ERC1: variants seen among roughly 807,000 people sequenced by gnomAD.
The protein encoded by ERC1 is RAB6 interacting protein 2.
In ERC1, 56 loss-of-function variants were observed where a neutral mutation model predicts 132.0. That is an observed-to-expected ratio of 0.42 (90% CI 0.34 to 0.53). ERC1 has a LOEUF of 0.53. Among genes scored for constraint, ERC1 ranks in the 20% least tolerant of loss-of-function variants. The pLI is 0.03. For missense variants in ERC1, 1,202 were observed against 1,349.9 expected, an observed-to-expected ratio of 0.89 and a Z score of 1.72; for synonymous variants, 478 against 476.1, an observed-to-expected ratio of 1.00 and a Z score of -0.05.
chr12:1,202,108 T>G (rs1470757817), intron 12 of ERC1, among the ~76,000 whole-genome samples: 1 of 152,224 alleles, frequency 6.6e-6, no homozygotes, highest in Non-Finnish European at 1.5e-5. Flanking sequence ...GGAAGCTGCT[T>G]GTTTCTTTCT....
intron 16 of ERC1, among the ~76,000 whole-genome samples, chr12:1,373,533 G>A (rs1294544406): frequency 1.3e-5 from 2 of 152,218 alleles, no homozygotes; most frequent in Non-Finnish European, 2.9e-5. Context: ...TGTAATCCCA[G>A]CACTTTGGGA....
At chr12:1,229,271 G>A (rs1178499859) in intron 12 of ERC1, among the ~76,000 whole-genome samples, 1 of 152,202 alleles carries the variant, frequency 6.6e-6, no homozygotes. Flanking sequence ...GGAGGCCAAG[G>A]TGGGAGGATC....
intron 17 of ERC1, among the ~76,000 whole-genome samples, chr12:1,439,896 A>G (rs1321998671): frequency 6.6e-6 from 1 of 152,222 alleles, no homozygotes; most frequent in African/African-American, 2.4e-5. Context: ...CAAATTAGAT[A>G]GGGAGAAAAG....
intron 16 of ERC1, among the ~76,000 whole-genome samples, chr12:1,383,058 A>C (rs918589437): frequency 6.6e-6 from 1 of 151,864 alleles, no homozygotes; most frequent in African/African-American, 2.4e-5. Context: ...ATTTGATAAG[A>C]CTCTTCCCTT....
chr12:1,311,898 C>A (rs932877598), intron 15 of ERC1, among the ~76,000 whole-genome samples: 8 of 152,160 alleles, frequency 5.3e-5, no homozygotes, highest in Non-Finnish European at 1.2e-4. Context: ...AGTATAAAAA[C>A]TTTCCCATTG....
intron 12 of ERC1, chr12:1,204,380 C>T: frequency 1.3e-6 from 1 of 746,722 alleles, no homozygotes; most frequent in South Asian, 2.0e-5. Flanking sequence ...TTTGTGACTC[C>T]TTCCCTTCTC....
Position 1,440,199 on chromosome 12 carries a change from C to CT in ERC1, c.3025-4344dup, listed in dbSNP as rs756177628. On this transcript the variant is annotated intron_variant, in intron 17 of 18. Coordinates refer to ENST00000360905, the MANE Select transcript of ERC1 (RefSeq NM_178040.4). ...TCTTTTTTAAGTTTTCTTTCTTTCT[C>CT]TTTTTTTTTTTTTTTTTTTCCTTGA... Among the ~76,000 whole-genome samples, 576 of 128,796 alleles carry CT rather than the reference C, an allele frequency of 4.5e-3. 4 individuals carry two copies. Among genetic ancestry groups the CT allele is most frequent in the Middle Eastern group, 0.013 (3 of 240 alleles). 84.5% of individuals were successfully genotyped at this position (128,796 alleles called of 152,430 possible). A position where few individuals can be genotyped will look rare whatever the true frequency, so the allele number is the denominator to read the frequency against.
intron 8 of ERC1, among the ~76,000 whole-genome samples, chr12:1,168,509 A>C (rs530105601): frequency 1.0e-3 from 89 of 88,352 alleles, no homozygotes; most frequent in Admixed American, 5.1e-3. Flanking sequence ...TTGGAGGAGG[A>C]GTCTTGCTTT....
intron 18 of ERC1, among the ~76,000 whole-genome samples, chr12:1,447,271 A>G (rs2093326815): frequency 6.6e-6 from 1 of 151,060 alleles, no homozygotes; most frequent in African/African-American, 2.4e-5. Flanking sequence ...TAATCCCGGC[A>G]TTTTGGGAGG....
At chr12:1,467,858 G>A (rs77781185) in intron 18 of ERC1, among the ~76,000 whole-genome samples, 2,313 of 152,302 alleles carry the variant, frequency 0.015, 26 homozygotes, top group Middle Eastern at 0.054. Flanking sequence ...CCTCGCGTGC[G>A]TGGTTCACAA....
chr12:1,369,512 T>A (rs1461602672), intron 15 of ERC1, among the ~76,000 whole-genome samples: 2 of 152,212 alleles, frequency 1.3e-5, no homozygotes, highest in Non-Finnish European at 2.9e-5. Context: ...AATATGTGAT[T>A]CTGACTATTG....
At chr12:1,018,355 C>G (rs1030063087) in intron 1 of ERC1, among the ~76,000 whole-genome samples, 2 of 152,172 alleles carry the variant, frequency 1.3e-5, no homozygotes, top group African/African-American at 4.8e-5. Context: ...GCTGGGAGTA[C>G]AGGTGTGCGC....
chr12:1,112,040 A>G (rs990480218), intron 5 of ERC1, among the ~76,000 whole-genome samples, 175 bp from the exon 6 acceptor site: 3 of 43,566 alleles, frequency 6.9e-5, no homozygotes, highest in African/African-American at 1.5e-4. Context: ...TGTGGGGGGA[A>G]AAAACCTGTG....
intron 18 of ERC1, among the ~76,000 whole-genome samples, chr12:1,474,687 T>C (rs948940953): frequency 1.3e-5 from 2 of 152,146 alleles, no homozygotes; most frequent in African/African-American, 2.4e-5. Context: ...CATTCCTTAT[T>C]CTTTAGACTG....
intron 12 of ERC1, among the ~76,000 whole-genome samples, chr12:1,205,027 A>C (rs995070635): frequency 6.6e-6 from 1 of 152,238 alleles, no homozygotes; most frequent in Admixed American, 6.5e-5. Context: ...TAACAAAAAC[A>C]GCAACGATTA....
At chr12:1,188,677 A>C (rs1168759529) in intron 11 of ERC1, among the ~76,000 whole-genome samples, 1 of 152,240 alleles carries the variant, frequency 6.6e-6, no homozygotes, top group Non-Finnish European at 1.5e-5. Flanking sequence ...TTATCTTAAA[A>C]GTATAGCTGT....
At position 1,493,900 on chromosome 12, in the gene ERC1, T is replaced by C. The variant is rs2094340840; in HGVS notation, c.*3670T>C. On this transcript the variant is annotated 3_prime_UTR_variant, in exon 19 of 19. Transcript: ENST00000360905. ...GAACTAATCCCTCCGCTATTGAGGG[T>C]CAGGGTTGTGAGGCAACCATCATGT... is the stretch of plus-strand genomic sequence containing the variant. 4.3e-6 allele frequency: 1 copy of C among 230,412 alleles called. No homozygotes were observed. Among genetic ancestry groups the C allele is most frequent in the Admixed American group, 5.7e-5 (1 of 17,640 alleles). The allele number at this position is 230,412 out of a possible 1,614,324, so 14.3% of individuals were successfully genotyped here.
rs569333683 is a variant in ERC1, at chr12:1,059,837, T to C, written c.670-23327T>C. Among the ~76,000 whole-genome samples, 39 of 152,348 alleles carry C rather than the reference T, an allele frequency of 2.6e-4. No individual in the cohort carries two copies. The South Asian group carries it at 7.9e-3, about 31-fold the overall frequency. On this transcript the variant is annotated intron_variant, in intron 2 of 18. Transcript: ENST00000360905. ...TTGTCTGGTTTTCGCATCAAGGTAA[T>C]GCTGGCTGGCCCTATAGAGTAAGTT... is the stretch of plus-strand genomic sequence containing the variant.
At chr12:1,333,842 A>G (rs1315092411) in intron 15 of ERC1, among the ~76,000 whole-genome samples, 2 of 152,172 alleles carry the variant, frequency 1.3e-5, no homozygotes, top group African/African-American at 2.4e-5. Context: ...GTCTTCCACA[A>G]TGGTTGAACT....
Sources: allele counts gnomAD v4.1 joint callset (sites outside exome capture counted in the v4.1 genomes callset), GRCh38; gene constraint gnomAD v4.1.1; transcripts MANE v1.5; gene names NCBI Gene and HGNC (gene_info 2026-07-23, HGNC 2026-07-21).